ZNF804B: variants seen among roughly 807,000 people sequenced by gnomAD.
The protein encoded by ZNF804B is zinc finger 804B.
Under a neutral mutation model 101.4 loss-of-function variants are expected in ZNF804B, and 80 were observed. The ratio of observed to expected loss-of-function variants is 0.79; its 90% CI spans 0.66 to 0.95. The LOEUF (loss-of-function observed/expected upper bound fraction) is 0.95, where lower values mean the gene tolerates loss of function less well. Among genes scored for constraint, ZNF804B ranks in the 40% least tolerant of loss-of-function variants. ZNF804B has a pLI of 0.00. For missense variants in ZNF804B, 1,673 were observed against 1,561.9 expected, an observed-to-expected ratio of 1.07 and a Z score of -1.20; for synonymous variants, 622 against 558.8, an observed-to-expected ratio of 1.11 and a Z score of -1.59.
At chr7:88,856,729 T>C (rs1277099573) in intron 1 of ZNF804B, among the ~76,000 whole-genome samples, 2 of 152,128 alleles carry the variant, frequency 1.3e-5, no homozygotes, top group East Asian at 3.8e-4. Context: ...TTCAGTATGA[T>C]ATTGGCTGTG....
At chr7:89,135,416 A>T (rs1048229953) in intron 1 of ZNF804B, among the ~76,000 whole-genome samples, 1 of 152,048 alleles carries the variant, frequency 6.6e-6, no homozygotes, top group African/African-American at 2.4e-5. Context: ...CCTCCTTCAC[A>T]TCTACTGATA....
At chr7:89,044,096 G>T (rs1404034775) in intron 1 of ZNF804B, among the ~76,000 whole-genome samples, 1 of 152,136 alleles carries the variant, frequency 6.6e-6, no homozygotes, top group Non-Finnish European at 1.5e-5. Flanking sequence ...CACATGTCCT[G>T]GGAGGCATTC....
chr7:88,985,698 A>C (rs1359740030), intron 1 of ZNF804B, among the ~76,000 whole-genome samples: 1 of 152,144 alleles, frequency 6.6e-6, no homozygotes, highest in African/African-American at 2.4e-5. Flanking sequence ...GAAAGATGTG[A>C]ACCAACATAC....
intron 1 of ZNF804B, among the ~76,000 whole-genome samples, chr7:88,832,866 A>C (rs1348660093): frequency 2.0e-5 from 3 of 151,916 alleles, no homozygotes; most frequent in Non-Finnish European, 4.4e-5. Context: ...TGTCCTTAGG[A>C]ACAGGCCTGA....
intron 2 of ZNF804B, among the ~76,000 whole-genome samples, chr7:89,219,485 C>T (rs1165587529): frequency 1.3e-5 from 2 of 151,676 alleles, no homozygotes; most frequent in Non-Finnish European, 2.9e-5. Context: ...ATATGGGCAT[C>T]TATATTATTA....
intron 1 of ZNF804B, among the ~76,000 whole-genome samples, chr7:89,080,007 G>T (rs533478359): frequency 1.3e-5 from 2 of 152,028 alleles, no homozygotes; most frequent in African/African-American, 4.8e-5. Flanking sequence ...GGCATGACAG[G>T]ATAACTTACA....
At chr7:89,131,009 C>T (rs1329513384) in intron 1 of ZNF804B, among the ~76,000 whole-genome samples, 1 of 151,962 alleles carries the variant, frequency 6.6e-6, no homozygotes, top group Non-Finnish European at 1.5e-5. Flanking sequence ...ACATCAGCTA[C>T]TTTTAAACTC....
intron 1 of ZNF804B, among the ~76,000 whole-genome samples, chr7:89,090,174 C>T (rs529735335): frequency 6.6e-6 from 1 of 152,126 alleles, no homozygotes; most frequent in South Asian, 2.1e-4. Flanking sequence ...GAACATTTCT[C>T]ATCACATCCT....
chr7:88,869,031 T>A (rs1791777328), intron 1 of ZNF804B, among the ~76,000 whole-genome samples: 1 of 152,178 alleles, frequency 6.6e-6, no homozygotes, highest in Non-Finnish European at 1.5e-5. Flanking sequence ...AATCACCTAT[T>A]GAAGAATCTT....
chr7:89,289,733 A>G (rs1446644208), intron 2 of ZNF804B, among the ~76,000 whole-genome samples: 1 of 152,158 alleles, frequency 6.6e-6, no homozygotes, highest in African/African-American at 2.4e-5. Context: ...CCTTGTCACC[A>G]TGGGCTAAAG....
chr7:88,943,296 G>T (rs1419261501), intron 1 of ZNF804B, among the ~76,000 whole-genome samples: 1 of 151,792 alleles, frequency 6.6e-6, no homozygotes, highest in Non-Finnish European at 1.5e-5. Context: ...CCATCTCCAG[G>T]CCTTGAAAGT....
intron 1 of ZNF804B, among the ~76,000 whole-genome samples, chr7:89,172,144 A>G (rs183768292): frequency 1.4e-4 from 21 of 152,302 alleles, no homozygotes; most frequent in Admixed American, 7.8e-4. Context: ...GTTGTGAACT[A>G]GTAACTATGA....
At chr7:89,300,409 C>T (rs1420908230) in intron 2 of ZNF804B, among the ~76,000 whole-genome samples, 1 of 151,676 alleles carries the variant, frequency 6.6e-6, no homozygotes, top group East Asian at 2.0e-4. Flanking sequence ...ATACTTCATG[C>T]ACTTAATGAC....
intron 1 of ZNF804B, among the ~76,000 whole-genome samples, chr7:89,194,286 T>A (rs914747049): frequency 6.6e-6 from 1 of 152,180 alleles, no homozygotes; most frequent in South Asian, 2.1e-4. Flanking sequence ...TGATGGTATT[T>A]CTTTTGCTGT....
intron 2 of ZNF804B, among the ~76,000 whole-genome samples, chr7:89,256,520 A>C (rs1340596319): frequency 7.3e-6 from 1 of 136,852 alleles, no homozygotes; most frequent in Admixed American, 7.5e-5. Flanking sequence ...ATGCCAGCCT[A>C]GGCAACAGAG....
intron 2 of ZNF804B, among the ~76,000 whole-genome samples, chr7:89,263,175 A>G (rs1789736343): frequency 6.6e-6 from 1 of 152,164 alleles, no homozygotes. Flanking sequence ...TCCTTCAGTT[A>G]ATATTCCTAC....
intron 2 of ZNF804B, among the ~76,000 whole-genome samples, chr7:89,284,752 A>C (rs1790155416): frequency 6.6e-6 from 1 of 152,156 alleles, no homozygotes; most frequent in African/African-American, 2.4e-5. Flanking sequence ...AAGCAAAAGT[A>C]AGGTGAAAGA....
chr7:88,804,451 A>G (rs1248941583), intron 1 of ZNF804B, among the ~76,000 whole-genome samples: 2 of 152,108 alleles, frequency 1.3e-5, no homozygotes, highest in Non-Finnish European at 2.9e-5. Context: ...TTTGGAGACT[A>G]CATATAACAC....
intron 1 of ZNF804B, among the ~76,000 whole-genome samples, chr7:89,103,913 G>A (rs1224917737): frequency 2.0e-5 from 3 of 151,950 alleles, no homozygotes; most frequent in Non-Finnish European, 4.4e-5. Flanking sequence ...TGTACAGCTA[G>A]TTTGTTGAGG....
Sources: allele counts gnomAD v4.1 joint callset (sites outside exome capture counted in the v4.1 genomes callset), GRCh38; gene constraint gnomAD v4.1.1; transcripts MANE v1.5; gene names NCBI Gene and HGNC (gene_info 2026-07-23, HGNC 2026-07-21).